Variants in GRIN2C observed in about 807,000 individuals in gnomAD.
GRIN2C encodes the protein glutamate ionotropic receptor NMDA type subunit 2C, also known as glutamate receptor ionotropic, NMDA 2C.
Under a neutral mutation model 77.7 loss-of-function variants are expected in GRIN2C, and 64 were observed. The observed-to-expected ratio is 0.82, with a 90% CI of 0.67 to 1.01. The LOEUF (loss-of-function observed/expected upper bound fraction) is 1.01. Among genes scored for constraint, GRIN2C ranks in the 50% least tolerant of loss-of-function variants. The pLI is 0.00. For missense variants in GRIN2C, 1,549 were observed against 1,486.0 expected (o/e 1.04, Z -0.70); for synonymous variants, 792 against 643.4 (o/e 1.23, Z -3.49).
rs1490165780 is a variant in GRIN2C, at chr17:74,843,249, G to A, written c.2888C>T (p.Pro963Leu). Reference sequence around the variant, plus strand: ...CACAAGCGCCGCGCGACCCCCGTCTGGCGGTCCCCAGCCCGTGGGGCTCGG... The same window carrying A: ...CACAAGCGCCGCGCGACCCCCGTCTAGCGGTCCCCAGCCCGTGGGGCTCGG... ...PEPSPTGWGPPDGGRAALVRR... is the reference protein window; with the variant it reads ...PEPSPTGWGPLDGGRAALVRR... Residue 963 changes from proline to leucine, a missense_variant, in exon 13 of 13, where the codon CCA becomes CTA. This residue lies in a region of GRIN2C where 450 missense variants were observed against 267.9 expected (regional missense o/e 1.68). Transcript: ENST00000293190. 18 of 739,456 alleles carry A rather than the reference G, an allele frequency of 2.4e-5. No homozygotes were observed. In the South Asian group the frequency reaches 5.0e-4, roughly 21 times the overall value. The allele number at this position is 739,456 out of a possible 1,614,324, so 45.8% of individuals were successfully genotyped here. A position where few individuals can be genotyped will look rare whatever the true frequency, so the allele number is the denominator to read the frequency against.
rs749579450 is a variant in GRIN2C, at chr17:74,850,525, T to C, written c.1325+31A>G. The C allele has an allele frequency of 5.0e-6, 8 of 1,605,384 alleles. No individual in the cohort carries two copies. The highest frequency in any genetic ancestry group is 6.8e-6 in the Non-Finnish European group (8 of 1,173,082). On this transcript the variant is annotated intron_variant, in intron 5 of 12. Transcript: ENST00000293190. This position sits in a 1 kb window ranked among gnomAD's most constrained non-coding sequence, Gnocchi z 5.3. Reference sequence around the variant, plus strand: ...TGACCATCACACGGCAGCACCCAGCTCACACTAGCCTCCCAGGGCCCTCCA... The same window carrying C: ...TGACCATCACACGGCAGCACCCAGCCCACACTAGCCTCCCAGGGCCCTCCA...
At position 74,847,227 on chromosome 17, in the gene GRIN2C, G is replaced by A. The variant is rs553871464; in HGVS notation, c.2001+81C>T. On this transcript the variant is annotated intron_variant, in intron 9 of 12. Transcript: ENST00000293190. The surrounding 1 kb of genome is among the most constrained non-coding windows in gnomAD (Gnocchi z 5.2). ...CCTCCAGGTCAAATTCCCCAGACTC[G>A]ACTGTCCAGGGCCTGCCCACTCACG... 1.1e-4 allele frequency: 125 copies of A among 1,095,286 alleles called. 1 individual carries two copies. The highest frequency in any genetic ancestry group is 4.3e-4 in the East Asian group (18 of 41,458). 67.8% of individuals were successfully genotyped at this position (1,095,286 alleles called of 1,614,324 possible).
Position 74,843,331 on chromosome 17 carries a change from G to C in GRIN2C, c.2806C>G (p.Pro936Ala). The C allele has an allele frequency of 6.7e-7, 1 of 1,490,550 alleles. No homozygotes were observed. The highest frequency in any genetic ancestry group is 2.5e-5 in the East Asian group (1 of 39,800). 92.3% of individuals were successfully genotyped at this position (1,490,550 alleles called of 1,614,324 possible). ...GGGCTGGGGCCAGACCGCGGGGTCGGGCAGGGGGACGGTGGGGGCGCACGG... is the reference window on the plus strand; with the variant it reads ...GGGCTGGGGCCAGACCGCGGGGTCGCGCAGGGGGACGGTGGGGGCGCACGG... Reference protein sequence around the residue: ...GRRAPPPSPCPTPRSGPSPCL... With the variant: ...GRRAPPPSPCATPRSGPSPCL... The change falls in exon 13 of 13, where the codon CCG (proline) becomes GCG (alanine). Residue 936 changes from proline to alanine, a missense_variant. By Grantham distance (27) the Pro-to-Ala change is conservative. Coordinates refer to ENST00000293190, the MANE Select transcript of GRIN2C (RefSeq NM_000835.6).
chr17:74,846,867 G>A lies in GRIN2C; in HGVS notation c.2055C>T (p.Asn685=), dbSNP rs376849259. 1.2e-5 allele frequency: 20 copies of A among 1,613,992 alleles called. No individual in the cohort carries two copies. The highest frequency in any genetic ancestry group is 6.7e-5 in the East Asian group (3 of 44,898). Residue 685 remains asparagine (N), a synonymous_variant, in exon 10 of 13, where the codon AAC becomes AAT. Transcript: ENST00000293190. This position sits in a 1 kb window ranked among gnomAD's most constrained non-coding sequence, Gnocchi z 4.4. ...TGCGGATGTTCCGCTCCGTGCTGCCGTTGGGCACCGTGCCGAAGCGGAAAG... is the reference window on the plus strand; with the variant it reads ...TGCGGATGTTCCGCTCCGTGCTGCCATTGGGCACCGTGCCGAAGCGGAAAG... ...YPPFRFGTVP[N]GSTERNIRSN...
Position 74,847,159 on chromosome 17 carries a change from C to G in GRIN2C, c.2001+149G>C, listed in dbSNP as rs1389410074. On this transcript the variant is annotated intron_variant, in intron 9 of 12. Coordinates refer to ENST00000293190, the MANE Select transcript of GRIN2C (RefSeq NM_000835.6). The surrounding 1 kb of genome is among the most constrained non-coding windows in gnomAD (Gnocchi z 5.2). ...CCTGAGCCATCTCTTGCCCCAGCCC[C>G]CAACCCCTTCTCAGCAGGCCCTGAA... The G allele has an allele frequency of 1.3e-6, 1 of 747,584 alleles. No individual in the cohort carries two copies. The allele number at this position is 747,584 out of a possible 1,614,324, so 46.3% of individuals were successfully genotyped here. A position where few individuals can be genotyped will look rare whatever the true frequency, so the allele number is the denominator to read the frequency against.
rs2037397224 is a variant in GRIN2C at position 74,844,484 on chromosome 17, AC to A, written c.2374del (p.Val792CysfsTer14). The A allele has an allele frequency of 6.2e-7, 1 of 1,614,040 alleles. No individual in the cohort carries two copies. Among genetic ancestry groups the A allele is most frequent in the African/African-American group, 1.3e-5 (1 of 74,910 alleles). Reference protein sequence around the residue: ...GDGETQKLETVWLSGICQNEK... With the variant: ...GDGETQKLETXWLSGICQNEK... Reference sequence around the variant, plus strand: ...ATTCTGGCAGATCCCTGAGAGCCACACTGTCTCCAGTTTCTGTGTCTCTCCT... The same window carrying A: ...ATTCTGGCAGATCCCTGAGAGCCACATGTCTCCAGTTTCTGTGTCTCTCCT... On this transcript the variant is annotated frameshift_variant, in exon 12 of 13. Transcript: ENST00000293190. LOFTEE classifies it high-confidence loss of function.
intron 11 of GRIN2C, 129 bp downstream of exon 11, chr17:74,845,937 G>A (rs1598474660): frequency 6.0e-6 from 5 of 831,114 alleles, no homozygotes; most frequent in African/African-American, 3.3e-5. Context: ...CACCTCAGCT[G>A]CCCCAACCTC....
rs751389114 is a variant in GRIN2C, at chr17:74,847,552, CG to C, written c.1772-16del. 2.5e-6 allele frequency: 4 copies of C among 1,572,916 alleles called. No individual in the cohort carries two copies. Among genetic ancestry groups the C allele is most frequent in the Admixed American group, 1.7e-5 (1 of 59,068 alleles). ...GCCCCCGGACTCTGGGGGCAAGAGG[CG>C]GGGGGATGCTGGAGCTCCTCCTGCC... On this transcript the variant is annotated splice_polypyrimidine_tract_variant and intron_variant, in intron 8 of 12. Coordinates refer to ENST00000293190, the MANE Select transcript of GRIN2C (RefSeq NM_000835.6). The surrounding 1 kb of genome is among the most constrained non-coding windows in gnomAD (Gnocchi z 5.2).
chr17:74,851,383 C>T (rs2037637803), intron 4 of GRIN2C, 194 bp downstream of exon 4: 3 of 568,668 alleles, frequency 5.3e-6, no homozygotes, highest in Non-Finnish European at 9.5e-6. Flanking sequence ...TTATGGGAGC[C>T]CAGAGCAGGG....
In GRIN2C at chr17:74,850,492, A is replaced by G. The variant is rs1214498543; in HGVS notation, c.1325+64T>C. 2 of 1,574,892 alleles carry G rather than the reference A, an allele frequency of 1.3e-6. No homozygotes were observed. The highest frequency in any genetic ancestry group is 1.7e-6 in the Non-Finnish European group (2 of 1,148,138). ...CCCCACACCCAAGCATGGGACATAC[A>G]CGACACCTGACCATCACACGGCAGC... On this transcript the variant is annotated intron_variant, in intron 5 of 12. Coordinates refer to ENST00000293190, the MANE Select transcript of GRIN2C (RefSeq NM_000835.6). This position sits in a 1 kb window ranked among gnomAD's most constrained non-coding sequence, Gnocchi z 5.3.
At chr17:74,848,432 G>A (rs1342286079) in intron 7 of GRIN2C, among the ~76,000 whole-genome samples, 1 of 152,230 alleles carries the variant, frequency 6.6e-6, no homozygotes, top group Non-Finnish European at 1.5e-5. Flanking sequence ...CACTACTGCT[G>A]GCTGGGCTTG....
chr17:74,851,425 TC>T, intron 4 of GRIN2C, 151 bp downstream of exon 4: 1 of 596,672 alleles, frequency 1.7e-6, no homozygotes, highest in Non-Finnish European at 3.0e-6. Context: ...CCTGGAGGCT[TC>T]CCAGTGGAGG....
In GRIN2C at chr17:74,854,703, G is replaced by A. The variant is rs145553517; in HGVS notation, c.390C>T (p.Leu130=). The A allele has an allele frequency of 8.7e-6, 14 of 1,605,982 alleles. No homozygotes were observed. Among genetic ancestry groups the A allele is most frequent in the Non-Finnish European group, 1.2e-5 (14 of 1,173,516 alleles). The change falls in exon 2 of 13, where the codon CTC becomes CTT. Residue 130 remains leucine (L), a synonymous_variant. Transcript: ENST00000293190. ...LSISGGSAVV[L]TPKEPGSAFL... is the part of the protein sequence containing the mutation. ...GAGTTTGGACATGCACCTTGGGGGT[G>A]AGGACCACAGCAGAGCCTCCGCTGA...
Position 74,852,299 on chromosome 17 carries a change from C to T in GRIN2C, c.712G>A (p.Ala238Thr), listed in dbSNP as rs1598488063. The T allele has an allele frequency of 2.1e-6, 3 of 1,431,320 alleles. No homozygotes were observed. The highest frequency in any genetic ancestry group is 2.8e-5 in the South Asian group (2 of 70,822). 88.7% of individuals were successfully genotyped at this position (1,431,320 alleles called of 1,614,324 possible). ...ACCAGACCGGCCTGCGCCGCCTCGG[C>T]GAAGAGCACCTCGGCCTCCTCGCGC... Reference protein sequence around the residue: ...CSREEAEVLFAEAAQAGLVGP... With the variant: ...CSREEAEVLFTEAAQAGLVGP... The change falls in exon 3 of 13, where the codon GCC (alanine) becomes ACC (threonine). Residue 238 changes from alanine (A) to threonine (T), a missense_variant. Coordinates refer to ENST00000293190, the MANE Select transcript of GRIN2C (RefSeq NM_000835.6).
In GRIN2C at chr17:74,854,758, G is replaced by T; in HGVS notation, c.335C>A (p.Ser112Tyr). Residue 112 changes from serine (S) to tyrosine (Y), a missense_variant, in exon 2 of 13, where the codon TCC becomes TAC. Physicochemically the swap from Ser to Tyr is moderately radical, Grantham distance 144. This residue lies in a region of GRIN2C where 382 missense variants were observed against 360.0 expected (regional missense o/e 1.06). Coordinates refer to ENST00000293190, the MANE Select transcript of GRIN2C (RefSeq NM_000835.6). ...GAGGATGGGCACATGGGTCTGGGAG[G>T]AGATGAAGTCAAGGATCTGGGCCAC... ...EAVAQILDFISSQTHVPILSI... is the reference protein window; with the variant it reads ...EAVAQILDFIYSQTHVPILSI... The T allele has an allele frequency of 6.2e-7, 1 of 1,613,542 alleles. No homozygotes were observed. The highest frequency in any genetic ancestry group is 1.1e-5 in the South Asian group (1 of 91,012).
rs3744214 is a variant in GRIN2C, at chr17:74,842,600, G to A, written c.3537C>T (p.Ser1179=). The A allele has an allele frequency of 3.2e-3, 2,411 of 765,126 alleles. 48 individuals carry two copies. In the East Asian group the frequency reaches 0.043, roughly 14 times the overall value. The allele number at this position is 765,126 out of a possible 1,614,324, so 47.4% of individuals were successfully genotyped here. Residue 1179 remains serine (S), a synonymous_variant, in exon 13 of 13, where the codon TCC becomes TCT. Transcript: ENST00000293190. The stretch of plus-strand genomic sequence containing the variant: ...TGTGCCCCAGAGGCCCCCAGGCCCC[G>A]GAGAGCCAGGAGCCGTGGCTGGCAC... ...PPCASHGSWL[S]GAWGPLGHRG...
intron 1 of GRIN2C, among the ~76,000 whole-genome samples, chr17:74,855,481 G>C (rs1054868930): frequency 2.6e-5 from 4 of 152,216 alleles, no homozygotes; most frequent in African/African-American, 9.6e-5. Flanking sequence ...AGACAGATCT[G>C]AGTTCGTGTC....
In GRIN2C at chr17:74,850,042, T is replaced by G; in HGVS notation, c.1492-109A>C. 7.2e-7 allele frequency: 1 copy of G among 1,379,634 alleles called. No individual in the cohort carries two copies. The highest frequency in any genetic ancestry group is 1.0e-6 in the Non-Finnish European group (1 of 999,706). The allele number at this position is 1,379,634 out of a possible 1,614,324, so 85.5% of individuals were successfully genotyped here. A position where few individuals can be genotyped will look rare whatever the true frequency, so the allele number is the denominator to read the frequency against. ...TAGCACCCACCAGCTGAGTCAATCA[T>G]TCCCTCTGGGGCCCTCAGAGCTCAG... On this transcript the variant is annotated intron_variant, in intron 6 of 12. Coordinates refer to ENST00000293190, the MANE Select transcript of GRIN2C (RefSeq NM_000835.6). The surrounding 1 kb of genome is among the most constrained non-coding windows in gnomAD (Gnocchi z 5.3).
chr17:74,846,818 G>C lies in GRIN2C; in HGVS notation c.2104C>G (p.His702Asp). Residue 702 changes from histidine to aspartate, a missense_variant, in exon 10 of 13, where the codon CAC (histidine) becomes GAC (aspartate). His to Asp is a moderately conservative substitution (Grantham distance 81). Transcript: ENST00000293190. The surrounding 1 kb of genome is among the most constrained non-coding windows in gnomAD (Gnocchi z 4.4). ...GAGCGCTGGTTGAACTTGACCATGT[G>C]GGTGTGCATGTCACGGTAGTTACTG... ...IRSNYRDMHTHMVKFNQRSVE... is the reference protein window; with the variant it reads ...IRSNYRDMHTDMVKFNQRSVE... 1.2e-6 allele frequency: 2 copies of C among 1,614,166 alleles called. No individual in the cohort carries two copies. The highest frequency in any genetic ancestry group is 1.7e-5 in the Admixed American group (1 of 60,028).
Sources: allele counts gnomAD v4.1 joint callset (sites outside exome capture counted in the v4.1 genomes callset), GRCh38; gene constraint gnomAD v4.1.1; regional missense constraint gnomAD v4.1.1; non-coding constraint Gnocchi (gnomAD v3.1); transcripts MANE v1.5; gene names NCBI Gene and HGNC (gene_info 2026-07-23, HGNC 2026-07-21).